The following BACE2 variants were observed in gnomAD, a reference collection of about 807,000 sequenced individuals.
BACE2 encodes beta-secretase 2.
BACE2 carries 17 observed loss-of-function variants against 46.2 expected under a neutral mutation model. The ratio of observed to expected loss-of-function variants is 0.37; its 90% CI spans 0.25 to 0.55. BACE2 has a LOEUF of 0.55. Among genes scored for constraint, BACE2 ranks in the 20% least tolerant of loss-of-function variants. The pLI is 0.82. For synonymous variants in BACE2, 277 were observed against 295.9 expected (o/e 0.94, Z 0.66); for missense variants, 595 against 698.1 (o/e 0.85, Z 1.66).
At chr21:41,218,556 A>C (rs541554561) in intron 1 of BACE2, among the ~76,000 whole-genome samples, 17 of 152,304 alleles carry the variant, frequency 1.1e-4, no homozygotes, top group Middle Eastern at 3.4e-3. Context: ...ATGACTAAGC[A>C]ACTGTGGGAA....
intron 1 of BACE2, among the ~76,000 whole-genome samples, chr21:41,214,907 T>C (rs2123553635): frequency 6.6e-6 from 1 of 150,856 alleles, no homozygotes; most frequent in South Asian, 2.1e-4. Flanking sequence ...GGGAACACCA[T>C]GTAAAGTTAG....
chr21:41,266,283 A>G (rs1334388107), intron 8 of BACE2, among the ~76,000 whole-genome samples: 1 of 151,978 alleles, frequency 6.6e-6, no homozygotes, highest in Non-Finnish European at 1.5e-5. Flanking sequence ...ACGTTGTTCT[A>G]TTTTTCCATC....
intron 1 of BACE2, chr21:41,175,375 T>C (rs1984784673): frequency 6.6e-6 from 1 of 152,150 alleles, no homozygotes; most frequent in Non-Finnish European, 1.5e-5. Flanking sequence ...CATTCCAGGG[T>C]ACCATAAAGG....
At position 41,168,389 on chromosome 21, in the gene BACE2, A is replaced by C; in HGVS notation, c.126A>C (p.Val42=). Residue 42 remains valine (V), a synonymous_variant, in exon 1 of 9, where the codon GTA becomes GTC. Transcript: ENST00000330333. ...PLRVAAATNR[V]VAPTPGPGTP... is the part of the protein sequence containing the mutation. ...GGGTGGCCGCGGCCACGAACCGCGTAGTTGCGCCCACCCCGGGACCCGGGA... is the reference window on the plus strand; with the variant it reads ...GGGTGGCCGCGGCCACGAACCGCGTCGTTGCGCCCACCCCGGGACCCGGGA... 7.1e-7 allele frequency: 1 copy of C among 1,413,442 alleles called. No individual in the cohort carries two copies. Among genetic ancestry groups the C allele is most frequent in the South Asian group, 1.5e-5 (1 of 65,040 alleles). The allele number at this position is 1,413,442 out of a possible 1,614,324, so 87.6% of individuals were successfully genotyped here.
intron 8 of BACE2, among the ~76,000 whole-genome samples, chr21:41,268,704 T>C (rs867383478): frequency 1.3e-5 from 2 of 152,182 alleles, no homozygotes; most frequent in African/African-American, 4.8e-5. Context: ...TGCCTATAAA[T>C]AGCCGCTGCA....
At position 41,168,328 on chromosome 21, in the gene BACE2, C is replaced by A; in HGVS notation, c.65C>A (p.Pro22Gln). The change falls in exon 1 of 9, where the codon CCG becomes CAG. Residue 22 changes from proline (P) to glutamine (Q), a missense_variant. Coordinates refer to ENST00000330333, the MANE Select transcript of BACE2 (RefSeq NM_012105.5). ...GCCCAGTGGCTCCTGCGCGCCGCCC[C>A]GGAGCTGGCCCCCGCGCCCTTCACG... The part of the protein sequence containing the change: ...LLAQWLLRAA[P>Q]ELAPAPFTLP... 7.4e-7 allele frequency: 1 copy of A among 1,349,102 alleles called. No homozygotes were observed. The highest frequency in any genetic ancestry group is 9.5e-7 in the Non-Finnish European group (1 of 1,049,044). The allele number at this position is 1,349,102 out of a possible 1,614,324, so 83.6% of individuals were successfully genotyped here.
At chr21:41,241,100 G>A (rs1270924994) in intron 3 of BACE2, among the ~76,000 whole-genome samples, 3 of 152,108 alleles carry the variant, frequency 2.0e-5, no homozygotes, top group Admixed American at 6.6e-5. Flanking sequence ...CTGGCACACC[G>A]GCACCTCACA....
chr21:41,239,991 C>T (rs576484795), intron 3 of BACE2, among the ~76,000 whole-genome samples: 4 of 152,364 alleles, frequency 2.6e-5, no homozygotes, highest in South Asian at 4.1e-4. Context: ...CAGACCCCTT[C>T]GGGGTTTGCT....
intron 1 of BACE2, among the ~76,000 whole-genome samples, chr21:41,200,570 T>C (rs1161766859): frequency 6.6e-6 from 1 of 152,174 alleles, no homozygotes; most frequent in Non-Finnish European, 1.5e-5. Flanking sequence ...GACTGAATTG[T>C]GTCCCTCAAA....
At chr21:41,239,567 G>A (rs1001015518) in intron 3 of BACE2, among the ~76,000 whole-genome samples, 3 of 152,134 alleles carry the variant, frequency 2.0e-5, no homozygotes, top group Admixed American at 1.3e-4. Flanking sequence ...TGGTAGAGAT[G>A]AGGTTTCACT....
At chr21:41,273,843 G>T (rs2088457750) in intron 8 of BACE2, among the ~76,000 whole-genome samples, 1 of 152,172 alleles carries the variant, frequency 6.6e-6, no homozygotes, top group Admixed American at 6.5e-5. Context: ...AATTATAAAA[G>T]TACTAATTTA....
chr21:41,259,303 G>A (rs543492262), intron 8 of BACE2, among the ~76,000 whole-genome samples: 1 of 151,984 alleles, frequency 6.6e-6, no homozygotes. Flanking sequence ...ACCAGCCATG[G>A]GAAAATACAC....
intron 6 of BACE2, 24 bp downstream of exon 6, chr21:41,246,087 G>T: frequency 1.9e-6 from 3 of 1,564,326 alleles, no homozygotes; most frequent in Non-Finnish European, 2.6e-6. Context: ...ACACTCACGG[G>T]TCCCCGAGTT....
At chr21:41,187,278 C>G (rs955074045) in intron 1 of BACE2, among the ~76,000 whole-genome samples, 1 of 152,218 alleles carries the variant, frequency 6.6e-6, no homozygotes, top group Non-Finnish European at 1.5e-5. Context: ...GGGGTTCACT[C>G]TTCAGCGTTT....
intron 1 of BACE2, among the ~76,000 whole-genome samples, chr21:41,192,163 A>G (rs111271995): frequency 0.056 from 8,469 of 152,234 alleles, 738 homozygotes; most frequent in African/African-American, 0.19. Context: ...GCAGCTGTCC[A>G]CTTTCGGGTG....
intron 1 of BACE2, among the ~76,000 whole-genome samples, chr21:41,198,821 G>A (rs1985834006): frequency 6.6e-6 from 1 of 151,822 alleles, no homozygotes. Flanking sequence ...GGCAACTTGG[G>A]TGATGTGTTG....
At chr21:41,221,305 C>G (rs1219917263) in intron 1 of BACE2, among the ~76,000 whole-genome samples, 2 of 152,184 alleles carry the variant, frequency 1.3e-5, no homozygotes, top group African/African-American at 4.8e-5. Flanking sequence ...CCATGGCCTC[C>G]TGCAGGGGAA....
chr21:41,267,665 T>C (rs2088392311), intron 8 of BACE2, among the ~76,000 whole-genome samples: 1 of 152,152 alleles, frequency 6.6e-6, no homozygotes, highest in African/African-American at 2.4e-5. Flanking sequence ...GCCATCTACT[T>C]AGACTACAAT....
chr21:41,217,839 G>A (rs904848431), intron 1 of BACE2, among the ~76,000 whole-genome samples: 2 of 152,236 alleles, frequency 1.3e-5, no homozygotes, highest in Non-Finnish European at 2.9e-5. Flanking sequence ...GCGGCCAGCA[G>A]CAAGTGAGTG....
Sources: allele counts gnomAD v4.1 joint callset (sites outside exome capture counted in the v4.1 genomes callset), GRCh38; gene constraint gnomAD v4.1.1; transcripts MANE v1.5; gene names NCBI Gene and HGNC (gene_info 2026-07-23, HGNC 2026-07-21).